MACROD2: variants seen among roughly 807,000 people sequenced by gnomAD.
MACROD2 encodes mono-ADP ribosylhydrolase 2.
Under a neutral mutation model 70.4 loss-of-function variants are expected in MACROD2, and 36 were observed. The observed-to-expected ratio is 0.51, with a 90% CI of 0.39 to 0.68. The LOEUF (loss-of-function observed/expected upper bound fraction) is 0.68. MACROD2 is among the 30% of genes least tolerant of loss of function. MACROD2 has a pLI of 0.00. For missense variants in MACROD2, 496 were observed against 538.4 expected, an observed-to-expected ratio of 0.92 and a Z score of 0.78; for synonymous variants, 172 against 178.8, an observed-to-expected ratio of 0.96 and a Z score of 0.30.
intron 5 of MACROD2, among the ~76,000 whole-genome samples, chr20:15,102,476 A>G (rs559866466): frequency 3.5e-4 from 53 of 152,132 alleles, no homozygotes; most frequent in African/African-American, 1.2e-3. Flanking sequence ...GTGTTTCACT[A>G]TCATAATCTT....
Position 14,326,617 on chromosome 20 carries a change from A to T in MACROD2, c.272-166862A>T. On this transcript the variant is annotated intron_variant, in intron 3 of 17. Coordinates refer to ENST00000684519, the MANE Select transcript of MACROD2 (RefSeq NM_001351661.2). The surrounding 1 kb of genome is among the most constrained non-coding windows in gnomAD (Gnocchi z 5.5). ...ATTGTTGCGAAGAATCAGTTGTGTT[A>T]TATTGTCCAAATCATCAAAGATACC... The T allele has an allele frequency of 6.2e-7, 1 of 1,613,892 alleles. No individual in the cohort carries two copies. Among genetic ancestry groups the T allele is most frequent in the Non-Finnish European group, 8.5e-7 (1 of 1,179,842 alleles).
At chr20:15,848,371 G>A (rs536697010) in intron 8 of MACROD2, among the ~76,000 whole-genome samples, 1 of 152,006 alleles carries the variant, frequency 6.6e-6, no homozygotes, top group Admixed American at 6.6e-5. Flanking sequence ...GGGGGAGGGG[G>A]GGGTCATCTT....
At chr20:15,933,433 A>G in intron 11 of MACROD2, 95 bp downstream of exon 11, 1 of 1,129,386 alleles carries the variant, frequency 8.9e-7, no homozygotes, top group East Asian at 2.6e-5. Context: ...ATGCTTATAC[A>G]TTTCACCAGA....
At chr20:15,780,800 G>A (rs2147037725) in intron 8 of MACROD2, among the ~76,000 whole-genome samples, 1 of 152,162 alleles carries the variant, frequency 6.6e-6, no homozygotes, top group Non-Finnish European at 1.5e-5. Context: ...AGGGAAAACT[G>A]AGAGTTGTAT....
Position 14,953,882 on chromosome 20 carries a change from T to C in MACROD2, c.418+268923T>C, listed in dbSNP as rs534031948. The stretch of plus-strand genomic sequence containing the variant: ...CATAAGGAGAATTTACTGCCTACCA[T>C]GTATCTGACAATGAAATGGAGAACC... On this transcript the variant is annotated intron_variant, in intron 5 of 17. Transcript: ENST00000684519. 3.9e-5 allele frequency among the ~76,000 whole-genome samples: 6 copies of C among 152,242 alleles called. No individual in the cohort carries two copies. The East Asian group carries it at 5.8e-4, about 15-fold the overall frequency.
intron 3 of MACROD2, among the ~76,000 whole-genome samples, chr20:14,121,319 T>C (rs2054586223): frequency 6.6e-6 from 1 of 152,180 alleles, no homozygotes; most frequent in Non-Finnish European, 1.5e-5. Flanking sequence ...GGAAATAACG[T>C]ACTCAAGGAC....
At chr20:15,609,895 C>T (rs1365607366) in intron 8 of MACROD2, among the ~76,000 whole-genome samples, 1 of 152,194 alleles carries the variant, frequency 6.6e-6, no homozygotes, top group African/African-American at 2.4e-5. Flanking sequence ...TTACTCAACT[C>T]ACAGGCAGGA....
chr20:14,393,021 A>G (rs2122808985), intron 3 of MACROD2, among the ~76,000 whole-genome samples: 1 of 152,306 alleles, frequency 6.6e-6, no homozygotes, highest in South Asian at 2.1e-4. Context: ...ACCATATATT[A>G]AGTAAAACCA....
intron 3 of MACROD2, among the ~76,000 whole-genome samples, chr20:14,239,869 G>T (rs1315735655): frequency 6.6e-6 from 1 of 152,098 alleles, no homozygotes; most frequent in Non-Finnish European, 1.5e-5. Context: ...CAGAGCAAAA[G>T]AAACTATTAG....
chr20:15,923,014 A>G (rs1010614541), intron 10 of MACROD2, among the ~76,000 whole-genome samples: 1 of 152,198 alleles, frequency 6.6e-6, no homozygotes, highest in African/African-American at 2.4e-5. Flanking sequence ...GGATTATTCA[A>G]CTCATGGCTA....
At chr20:14,930,139 G>A (rs985807266) in intron 5 of MACROD2, among the ~76,000 whole-genome samples, 3 of 131,732 alleles carry the variant, frequency 2.3e-5, no homozygotes, top group Non-Finnish European at 4.8e-5. Context: ...TCCAGCCTGG[G>A]TGAGAGAGTG....
chr20:14,965,715 G>T, intron 5 of MACROD2, among the ~76,000 whole-genome samples: 1 of 151,274 alleles, frequency 6.6e-6, no homozygotes, highest in Non-Finnish European at 1.5e-5. Context: ...TGATCCACCC[G>T]TCTCGGCCTT....
At position 15,701,983 on chromosome 20, in the gene MACROD2, A is replaced by G. The variant is rs567893487; in HGVS notation, c.646-160762A>G. Among the ~76,000 whole-genome samples the G allele has an allele frequency of 3.3e-5, 5 of 152,336 alleles. No homozygotes were observed. The East Asian group carries it at 9.6e-4, about 29-fold the overall frequency. On this transcript the variant is annotated intron_variant, in intron 8 of 17. Coordinates refer to ENST00000684519, the MANE Select transcript of MACROD2 (RefSeq NM_001351661.2). ...CTCTAGCTGCATCCATGGTGCTGCA[A>G]AAGACATGGTTTTATTCTTTTTTAT... is the stretch of plus-strand genomic sequence containing the variant.
intron 5 of MACROD2, among the ~76,000 whole-genome samples, chr20:15,131,632 T>G (rs915272927): frequency 1.3e-5 from 2 of 152,092 alleles, no homozygotes; most frequent in African/African-American, 4.8e-5. Context: ...TTAAAAATGT[T>G]GAGAGAATCT....
At chr20:15,637,706 T>G (rs992962221) in intron 8 of MACROD2, among the ~76,000 whole-genome samples, 1 of 152,176 alleles carries the variant, frequency 6.6e-6, no homozygotes, top group African/African-American at 2.4e-5. Context: ...GTGTCCCCGA[T>G]CTTTACATGG....
intron 3 of MACROD2, among the ~76,000 whole-genome samples, chr20:14,410,052 C>G (rs1031258039): frequency 2.6e-5 from 4 of 152,018 alleles, no homozygotes; most frequent in African/African-American, 9.7e-5. Context: ...GGGAGTAGAT[C>G]AGAAGTGTTG....
chr20:15,510,242 A>G (rs1318537265), intron 8 of MACROD2, among the ~76,000 whole-genome samples: 1 of 152,236 alleles, frequency 6.6e-6, no homozygotes, highest in African/African-American at 2.4e-5. Flanking sequence ...GGTTGGAACT[A>G]CATCAGACAC....
At chr20:14,293,984 T>C (rs1024167556) in intron 3 of MACROD2, among the ~76,000 whole-genome samples, 7 of 151,764 alleles carry the variant, frequency 4.6e-5, no homozygotes, top group African/African-American at 1.5e-4. Context: ...TAAAGGGCAG[T>C]GAATCATTTG....
At chr20:14,626,710 A>G (rs1984190036) in intron 4 of MACROD2, among the ~76,000 whole-genome samples, 1 of 152,148 alleles carries the variant, frequency 6.6e-6, no homozygotes. Flanking sequence ...AGGGTAACGT[A>G]TCCTCAGGAG....
Sources: allele counts gnomAD v4.1 joint callset (sites outside exome capture counted in the v4.1 genomes callset), GRCh38; gene constraint gnomAD v4.1.1; non-coding constraint Gnocchi (gnomAD v3.1); transcripts MANE v1.5; gene names NCBI Gene and HGNC (gene_info 2026-07-23, HGNC 2026-07-21).